The following SAMD5 variants were observed in gnomAD, a reference collection of about 807,000 sequenced individuals.
SAMD5 encodes the protein sterile alpha motif domain-containing protein 5.
In SAMD5, 13 loss-of-function variants were observed where a neutral mutation model predicts 11.3. The observed-to-expected ratio is 1.15, with a 90% CI of 0.75 to 1.83. The LOEUF (loss-of-function observed/expected upper bound fraction) is 1.83. Among genes scored for constraint, SAMD5 ranks in the 40% most tolerant of loss-of-function variants. SAMD5 has a pLI of 0.00. For missense variants in SAMD5, 255 were observed against 239.1 expected (o/e 1.07, Z -0.44); for synonymous variants, 129 against 111.3 (o/e 1.16, Z -1.00).
At chr6:147,820,725 G>A in the SAMD5 span, among the ~76,000 whole-genome samples, 2 of 152,192 alleles carry the variant, frequency 1.3e-5, no homozygotes, top group Admixed American at 1.3e-4. Flanking sequence ...TGTTAGAGAT[G>A]TCTGACCTGT....
At chr6:147,770,075 A>C in the SAMD5 span, among the ~76,000 whole-genome samples, 1 of 152,188 alleles carries the variant, frequency 6.6e-6, no homozygotes. Flanking sequence ...GAACCAACAG[A>C]TGATTTTAAG....
chr6:147,808,593 A>G, the SAMD5 span, among the ~76,000 whole-genome samples: 1 of 152,224 alleles, frequency 6.6e-6, no homozygotes, highest in Non-Finnish European at 1.5e-5. Flanking sequence ...CCAAGGAATT[A>G]TAAGAATTAA....
the SAMD5 span, among the ~76,000 whole-genome samples, chr6:147,882,424 A>T: frequency 1.3e-5 from 2 of 152,192 alleles, no homozygotes; most frequent in South Asian, 4.1e-4. Context: ...GTCTACGTAA[A>T]ATGTTTTTGG....
chr6:147,915,420 AT>A, the SAMD5 span, among the ~76,000 whole-genome samples: 1 of 152,198 alleles, frequency 6.6e-6, no homozygotes, highest in Non-Finnish European at 1.5e-5. Context: ...TATTTAAAAC[AT>A]TTTTTTAAAA....
the SAMD5 span, among the ~76,000 whole-genome samples, chr6:147,944,136 GTC>G: frequency 4.6e-5 from 7 of 152,120 alleles, no homozygotes; most frequent in Non-Finnish European, 7.4e-5. Context: ...CTCTCACTCT[GTC>G]TCTCTCAGCT....
the SAMD5 span, among the ~76,000 whole-genome samples, chr6:147,873,697 T>G: frequency 6.6e-6 from 1 of 152,172 alleles, no homozygotes; most frequent in East Asian, 1.9e-4. Context: ...TAGAGAAATT[T>G]TAAAGTACCT....
At chr6:147,929,233 G>A in the SAMD5 span, among the ~76,000 whole-genome samples, 11 of 152,222 alleles carry the variant, frequency 7.2e-5, no homozygotes, top group South Asian at 2.3e-3. Flanking sequence ...TGGTGTCAAA[G>A]TCAGGTAGTC....
rs1427461617 is a variant in SAMD5, at chr6:147,566,094, C to T, written c.*1638C>T. On this transcript the variant is annotated 3_prime_UTR_variant, in exon 2 of 2. Transcript: ENST00000367474. ...TAGGTTTCTAAGGACAATTTTAACA[C>T]AATACTGCTTTAAAAATCTGAAGTT... The T allele has an allele frequency of 4.1e-5, 40 of 981,918 alleles. No homozygotes were observed. Among genetic ancestry groups the T allele is most frequent in the Non-Finnish European group, 4.7e-5 (39 of 826,902 alleles). The allele number at this position is 981,918 out of a possible 1,614,324, so 60.8% of individuals were successfully genotyped here.
At chr6:147,662,257 T>C (rs1033539219) in intron 1 of SAMD5, among the ~76,000 whole-genome samples, 4 of 152,232 alleles carry the variant, frequency 2.6e-5, no homozygotes, top group Admixed American at 1.3e-4. Flanking sequence ...TCCCATTTTT[T>C]ATTTATCAGA....
chr6:147,770,777 T>TAA, the SAMD5 span, among the ~76,000 whole-genome samples: 4 of 152,236 alleles, frequency 2.6e-5, no homozygotes, highest in African/African-American at 4.8e-5. Flanking sequence ...GAACATCTTT[T>TAA]AAAAAATAAA....
chr6:147,952,651 C>T, the SAMD5 span, among the ~76,000 whole-genome samples: 1 of 152,154 alleles, frequency 6.6e-6, no homozygotes, highest in Non-Finnish European at 1.5e-5. Flanking sequence ...GCTGGGATTA[C>T]AGGCATGCAC....
intron 1 of SAMD5, among the ~76,000 whole-genome samples, chr6:147,679,492 G>A (rs1790911014): frequency 6.6e-6 from 1 of 151,776 alleles, no homozygotes; most frequent in African/African-American, 2.4e-5. Context: ...TTTTAACTTG[G>A]GTTTGTTTTC....
chr6:147,586,827 T>C (rs1239626339), intron 1 of SAMD5, among the ~76,000 whole-genome samples: 6 of 152,082 alleles, frequency 3.9e-5, no homozygotes, highest in Non-Finnish European at 8.8e-5. Flanking sequence ...TTCTTCCAGT[T>C]TTCTTTCTTC....
intron 1 of SAMD5, among the ~76,000 whole-genome samples, chr6:147,579,012 C>G (rs947958598): frequency 2.0e-5 from 3 of 152,234 alleles, no homozygotes; most frequent in African/African-American, 7.2e-5. Context: ...AATTCATTTA[C>G]ATATTTGACA....
At chr6:147,734,639 G>A in intron 1 of SAMD5, among the ~76,000 whole-genome samples, 1 of 146,794 alleles carries the variant, frequency 6.8e-6, no homozygotes, top group East Asian at 2.0e-4. Context: ...CGTGAACCCG[G>A]GAGGTGGAGC....
At chr6:147,944,903 T>G in the SAMD5 span, among the ~76,000 whole-genome samples, 1 of 152,198 alleles carries the variant, frequency 6.6e-6, no homozygotes, top group African/African-American at 2.4e-5. Context: ...GGTTTGTTGA[T>G]CCATTGTTCC....
chr6:147,873,658 T>G, the SAMD5 span, among the ~76,000 whole-genome samples: 5 of 152,156 alleles, frequency 3.3e-5, no homozygotes, highest in Non-Finnish European at 7.3e-5. Flanking sequence ...AAAGTATAAA[T>G]TTTTATTAAG....
intron 1 of SAMD5, among the ~76,000 whole-genome samples, chr6:147,640,811 T>C (rs1311063490): frequency 1.3e-5 from 2 of 152,178 alleles, no homozygotes; most frequent in Admixed American, 1.3e-4. Flanking sequence ...CTTTGCAAGA[T>C]TGTGCATCAA....
chr6:147,573,141 A>G (rs1789160955), downstream of SAMD5, among the ~76,000 whole-genome samples: 1 of 152,162 alleles, frequency 6.6e-6, no homozygotes, highest in Non-Finnish European at 1.5e-5. Flanking sequence ...TGGACATGAG[A>G]GCTTTGAAGT....
Sources: allele counts gnomAD v4.1 joint callset (sites outside exome capture counted in the v4.1 genomes callset), GRCh38; gene constraint gnomAD v4.1.1; transcripts MANE v1.5; gene names NCBI Gene and HGNC (gene_info 2026-07-23, HGNC 2026-07-21).